KCNN2: variants seen among roughly 807,000 people sequenced by gnomAD.
KCNN2 encodes the protein small conductance calcium-activated potassium channel protein 2.
A neutral mutation model predicts 55.5 loss-of-function variants in KCNN2; 24 were observed. That is an observed-to-expected ratio of 0.43 (90% CI 0.31 to 0.61). The LOEUF is 0.61. Ranked by LOEUF, KCNN2 falls within the 20% of genes least tolerant of loss-of-function variation. KCNN2 has a pLI of 0.08. For missense variants in KCNN2, 754 were observed against 853.6 expected, an observed-to-expected ratio of 0.88 and a Z score of 1.45; for synonymous variants, 431 against 336.1, an observed-to-expected ratio of 1.28 and a Z score of -3.09.
intron 2 of KCNN2, among the ~76,000 whole-genome samples, chr5:114,305,102 A>C (rs1756241857): frequency 1.3e-5 from 2 of 152,358 alleles, no homozygotes; most frequent in African/African-American, 2.4e-5. Flanking sequence ...GAGACTATAA[A>C]GATTTAAACA....
At chr5:114,239,967 C>T (rs114575775) in intron 2 of KCNN2, among the ~76,000 whole-genome samples, 1,735 of 152,128 alleles carry the variant, frequency 0.011, 17 homozygotes, top group Non-Finnish European at 0.016. Context: ...AAAGGTAATT[C>T]GTATATTATT....
intron 3 of KCNN2, among the ~76,000 whole-genome samples, chr5:114,449,272 C>T (rs1185060396): frequency 6.6e-5 from 10 of 152,146 alleles, no homozygotes; most frequent in Non-Finnish European, 4.4e-5. Context: ...ATACTAGTTA[C>T]TGTGCTCATT....
intron 5 of KCNN2, among the ~76,000 whole-genome samples, chr5:114,477,831 A>G (rs757517849): frequency 4.8e-4 from 73 of 152,330 alleles, no homozygotes; most frequent in Middle Eastern, 3.4e-3. Flanking sequence ...ATAATTATAC[A>G]TATTAATGTC....
rs1250369772 is a variant in KCNN2, at chr5:114,145,131, C to T, written c.-270-76349C>T. ...TGGCTTTGGAGGGGCAACCCCTGCC[C>T]CTTTCCACTTAAAAGGAAAAAAGGA... On this transcript the variant is annotated intron_variant, in intron 1 of 10. Coordinates refer to the KCNN2 transcript ENST00000512097. Among the ~76,000 whole-genome samples the T allele has an allele frequency of 2.6e-5, 4 of 152,244 alleles. No individual in the cohort carries two copies. The East Asian group carries it at 7.7e-4, about 29-fold the overall frequency.
At chr5:114,162,842 C>G (rs557264741) in intron 1 of KCNN2, among the ~76,000 whole-genome samples, 1 of 152,104 alleles carries the variant, frequency 6.6e-6, no homozygotes, top group African/African-American at 2.4e-5. Context: ...TTTGTTAAGT[C>G]GGTTGGAAAA....
chr5:114,172,340 T>C lies in KCNN2; in HGVS notation c.-270-49140T>C, dbSNP rs112979744. ...AGGGTTTTTACCTTATTTTTTGAAATTCTAAGAATTATACTATTACCTGTT... is the reference window on the plus strand; with the variant it reads ...AGGGTTTTTACCTTATTTTTTGAAACTCTAAGAATTATACTATTACCTGTT... On this transcript the variant is annotated intron_variant, in intron 1 of 10. Coordinates refer to the KCNN2 transcript ENST00000512097. Among the ~76,000 whole-genome samples the C allele has an allele frequency of 5.4e-3, 821 of 151,922 alleles. 5 individuals are homozygous for C. The highest frequency in any genetic ancestry group is 0.019 in the African/African-American group (778 of 41,534).
At chr5:114,215,453 C>A (rs974406238) in intron 1 of KCNN2, among the ~76,000 whole-genome samples, 6 of 152,000 alleles carry the variant, frequency 3.9e-5, no homozygotes, top group Non-Finnish European at 2.9e-5. Flanking sequence ...GACACAGAAC[C>A]CTTTGAGCTT....
At chr5:114,366,758 T>C (rs1490348959) in intron 2 of KCNN2, among the ~76,000 whole-genome samples, 1 of 152,212 alleles carries the variant, frequency 6.6e-6, no homozygotes, top group Non-Finnish European at 1.5e-5. Flanking sequence ...TGTTTTTTCA[T>C]AAAAAGTTTT....
At chr5:114,218,815 T>G (rs767340842) in intron 1 of KCNN2, among the ~76,000 whole-genome samples, 12 of 152,244 alleles carry the variant, frequency 7.9e-5, no homozygotes, top group Non-Finnish European at 1.2e-4. Flanking sequence ...GGGGAGGCTA[T>G]GCACATGTGG....
At chr5:114,329,817 T>C (rs1170223957) in intron 2 of KCNN2, among the ~76,000 whole-genome samples, 1 of 152,180 alleles carries the variant, frequency 6.6e-6, no homozygotes, top group Non-Finnish European at 1.5e-5. Context: ...CTTCAATCTG[T>C]TCTTCTTCCT....
At chr5:114,468,173 A>G (rs554083518) in intron 4 of KCNN2, among the ~76,000 whole-genome samples, 1 of 152,316 alleles carries the variant, frequency 6.6e-6, no homozygotes, top group East Asian at 1.9e-4. Flanking sequence ...AGAATTTGTC[A>G]TCAAAACTTC....
intron 1 of KCNN2, among the ~76,000 whole-genome samples, chr5:114,168,084 GTGT>G (rs1752953130): frequency 6.6e-6 from 1 of 151,394 alleles, no homozygotes; most frequent in South Asian, 2.1e-4. Flanking sequence ...ATGGGCTTTT[GTGT>G]TGTTTCTAGT....
chr5:114,405,138 G>C (rs1325037754), intron 3 of KCNN2, among the ~76,000 whole-genome samples: 1 of 152,120 alleles, frequency 6.6e-6, no homozygotes, highest in Non-Finnish European at 1.5e-5. Flanking sequence ...AATTGTACAG[G>C]ACACTTTTAT....
At chr5:114,440,398 C>T (rs910328715) in intron 3 of KCNN2, among the ~76,000 whole-genome samples, 6 of 152,102 alleles carry the variant, frequency 3.9e-5, no homozygotes, top group Admixed American at 6.5e-5. Context: ...ACCACCAGGT[C>T]CTCACTAAAA....
At chr5:114,104,745 G>C (rs1751445178) in intron 1 of KCNN2, among the ~76,000 whole-genome samples, 1 of 152,014 alleles carries the variant, frequency 6.6e-6, no homozygotes, top group African/African-American at 2.4e-5. Flanking sequence ...AGAATGGGGA[G>C]ATGGAGGCAC....
intron 1 of KCNN2, among the ~76,000 whole-genome samples, chr5:114,174,250 T>TA (rs1753095508): frequency 6.6e-6 from 1 of 152,128 alleles, no homozygotes; most frequent in Non-Finnish European, 1.5e-5. Context: ...CTTCATAAGA[T>TA]ACATGAACCC....
chr5:114,362,846 T>C lies in KCNN2; in HGVS notation c.707T>C (p.Leu236Pro). The C allele has an allele frequency of 6.2e-7, 1 of 1,600,246 alleles. No individual in the cohort carries two copies. The highest frequency in any genetic ancestry group is 8.5e-7 in the Non-Finnish European group (1 of 1,178,714). ...LSNLSASRRN[L>P]HEMDSEAQPL... The stretch of plus-strand genomic sequence containing the variant: ...AACTTGAGCGCGTCCCGCCGGAACC[T>C]GCACGAGATGGACTCAGAGGCGCAG... Residue 236 changes from leucine (L) to proline (P), a missense_variant, in exon 1 of 8, where the codon CTG (leucine) becomes CCG (proline). Physicochemically the swap from Leu to Pro is moderately conservative, Grantham distance 98. Transcript: ENST00000673685.
At chr5:114,162,056 C>T (rs1240281839) in intron 1 of KCNN2, among the ~76,000 whole-genome samples, 1 of 152,158 alleles carries the variant, frequency 6.6e-6, no homozygotes, top group East Asian at 1.9e-4. Flanking sequence ...GAGCTGCATT[C>T]CTTTGGAGGA....
At chr5:114,485,787 C>T (rs755318623) in intron 5 of KCNN2, among the ~76,000 whole-genome samples, 3 of 152,074 alleles carry the variant, frequency 2.0e-5, no homozygotes, top group Admixed American at 6.6e-5. Context: ...TGAGTTGTAG[C>T]AATATAATGT....
Sources: gnomAD v4.1 joint callset for allele counts (sites outside exome capture counted in the v4.1 genomes callset) on GRCh38, gnomAD v4.1.1 for gene constraint, MANE v1.5 for transcripts, NCBI Gene and HGNC (gene_info 2026-07-23, HGNC 2026-07-21) for gene names.